The following DPP10 variants were observed in gnomAD, a reference collection of about 807,000 sequenced individuals.
The protein encoded by DPP10 is dipeptidyl peptidase like 10, also known as inactive dipeptidyl peptidase 10.
DPP10 carries 33 observed loss-of-function variants against 120.9 expected under a neutral mutation model. The ratio of observed to expected loss-of-function variants is 0.27; its 90% CI spans 0.21 to 0.37. The LOEUF (loss-of-function observed/expected upper bound fraction) is 0.37. Ranked by LOEUF, DPP10 falls within the 10% of genes least tolerant of loss-of-function variation. The probability of loss-of-function intolerance (pLI) is 1.00; values close to 1 mark genes in which losing one functional copy is unlikely to be tolerated. For synonymous variants in DPP10, 337 were observed against 326.1 expected (o/e 1.03, Z -0.36); for missense variants, 816 against 942.8 (o/e 0.87, Z 1.76).
intron 1 of DPP10, among the ~76,000 whole-genome samples, chr2:115,047,505 A>T (rs1381741894): frequency 6.6e-6 from 1 of 151,980 alleles, no homozygotes; most frequent in African/African-American, 2.4e-5. Context: ...TTCCAATTAT[A>T]TTTTAACCGT....
chr2:115,154,661 T>C, intron 1 of DPP10, among the ~76,000 whole-genome samples: 1 of 151,846 alleles, frequency 6.6e-6, no homozygotes, highest in East Asian at 1.9e-4. Flanking sequence ...GAATAAAGAT[T>C]TTTTTTTCAA....
chr2:115,133,297 A>G (rs1344401968), intron 1 of DPP10, among the ~76,000 whole-genome samples: 1 of 150,512 alleles, frequency 6.6e-6, no homozygotes, highest in Non-Finnish European at 1.5e-5. Context: ...AACTCCGTCT[A>G]AAACAAAAAG....
In DPP10 at chr2:114,490,812, A is replaced by G. The variant is rs532922424; in HGVS notation, c.60+47974A>G. 8.5e-5 allele frequency among the ~76,000 whole-genome samples: 13 copies of G among 152,270 alleles called. No homozygotes were observed. In the South Asian group the frequency reaches 2.7e-3, roughly 32 times the overall value. On this transcript the variant is annotated intron_variant, in intron 1 of 25. Coordinates refer to ENST00000410059, the MANE Select transcript of DPP10 (RefSeq NM_020868.6). ...GGGGCGGGGGGTAATGTGAACTCAGAAAACTTGTGTGAGAAGGTGCTTAAA... is the reference window on the plus strand; with the variant it reads ...GGGGCGGGGGGTAATGTGAACTCAGGAAACTTGTGTGAGAAGGTGCTTAAA...
chr2:114,667,271 A>G (rs1323178055), intron 1 of DPP10, among the ~76,000 whole-genome samples: 1 of 152,230 alleles, frequency 6.6e-6, no homozygotes, highest in African/African-American at 2.4e-5. Context: ...ATTTCATTAT[A>G]TCATGCCTTA....
intron 3 of DPP10, among the ~76,000 whole-genome samples, chr2:115,479,186 A>G (rs2075279967): frequency 6.6e-6 from 1 of 152,180 alleles, no homozygotes; most frequent in African/African-American, 2.4e-5. Flanking sequence ...TGGATAAACA[A>G]AATGTGGGAT....
intron 1 of DPP10, among the ~76,000 whole-genome samples, chr2:114,775,395 T>G (rs1681636635): frequency 6.6e-6 from 1 of 152,158 alleles, no homozygotes; most frequent in Admixed American, 6.6e-5. Flanking sequence ...AAAGGGAGTT[T>G]GTGGTTAGTA....
chr2:115,494,097 C>T (rs1311900610), intron 3 of DPP10, among the ~76,000 whole-genome samples: 2 of 152,108 alleles, frequency 1.3e-5, no homozygotes, highest in East Asian at 3.9e-4. Flanking sequence ...TACAGGTGTG[C>T]ACCACCACGG....
At chr2:114,660,379 T>A (rs578078019) in intron 1 of DPP10, among the ~76,000 whole-genome samples, 2 of 152,218 alleles carry the variant, frequency 1.3e-5, no homozygotes, top group Non-Finnish European at 2.9e-5. Context: ...GGGAACCCTG[T>A]GTCTTACCAA....
At chr2:115,211,657 A>G (rs1486630729) in intron 1 of DPP10, among the ~76,000 whole-genome samples, 1 of 152,058 alleles carries the variant, frequency 6.6e-6, no homozygotes, top group African/African-American at 2.4e-5. Context: ...TGGCAGTAAG[A>G]TGCTAACGGT....
intron 1 of DPP10, among the ~76,000 whole-genome samples, chr2:114,660,456 G>A (rs1385883100): frequency 6.6e-6 from 1 of 152,254 alleles, no homozygotes; most frequent in East Asian, 1.9e-4. Context: ...AAGACCAGGT[G>A]CCCTGATTAG....
At chr2:114,875,325 A>G (rs1308210675) in intron 1 of DPP10, among the ~76,000 whole-genome samples, 2 of 152,176 alleles carry the variant, frequency 1.3e-5, no homozygotes, top group African/African-American at 2.4e-5. Flanking sequence ...CCTCATAGCC[A>G]TTTGGGACAG....
intron 5 of DPP10, among the ~76,000 whole-genome samples, chr2:115,652,714 A>G (rs2087909468): frequency 6.6e-6 from 1 of 151,848 alleles, no homozygotes; most frequent in Non-Finnish European, 1.5e-5. Context: ...TGGGCAGAGA[A>G]AGCGAATCAT....
chr2:114,881,332 A>C (rs554580096), intron 1 of DPP10, among the ~76,000 whole-genome samples: 1 of 152,192 alleles, frequency 6.6e-6, no homozygotes, highest in East Asian at 1.9e-4. Context: ...TCAGATGCCA[A>C]AAAATCATGG....
chr2:115,689,599 G>A lies in DPP10; in HGVS notation c.442-88G>A, dbSNP rs1425949129. 8 of 885,310 alleles carry A rather than the reference G, an allele frequency of 9.0e-6. No homozygotes were observed. In the Admixed American group the frequency reaches 2.4e-4, roughly 27 times the overall value. 54.8% of individuals were successfully genotyped at this position (885,310 alleles called of 1,614,324 possible). On this transcript the variant is annotated intron_variant, in intron 5 of 25. Transcript: ENST00000410059. ...TCATTTCTGCCTAACACCAATTCTTGGATTACCTGGATGTTACTAAGAATA... is the reference window on the plus strand; with the variant it reads ...TCATTTCTGCCTAACACCAATTCTTAGATTACCTGGATGTTACTAAGAATA...
intron 5 of DPP10, among the ~76,000 whole-genome samples, chr2:115,671,952 A>G (rs575655638): frequency 2.6e-5 from 4 of 152,164 alleles, no homozygotes; most frequent in Non-Finnish European, 5.9e-5. Flanking sequence ...GTAAAACAAT[A>G]TATTTTATTA....
chr2:114,807,739 C>T (rs931297865), intron 1 of DPP10, among the ~76,000 whole-genome samples: 4 of 152,154 alleles, frequency 2.6e-5, no homozygotes, highest in African/African-American at 9.7e-5. Flanking sequence ...CAAACCACTC[C>T]TAACTGGCAC....
chr2:115,357,811 A>C (rs2064500454), intron 3 of DPP10, among the ~76,000 whole-genome samples: 1 of 152,138 alleles, frequency 6.6e-6, no homozygotes, highest in South Asian at 2.1e-4. Flanking sequence ...AAAGTTTCCA[A>C]AACTCAATTT....
At chr2:115,072,965 G>T (rs113334493) in intron 1 of DPP10, among the ~76,000 whole-genome samples, 24,592 of 151,778 alleles carry the variant, frequency 0.16, 2,257 homozygotes, top group African/African-American at 0.27. Flanking sequence ...GCATTTTTAG[G>T]AGAGATGGGG....
At chr2:115,455,609 C>CA (rs1232330395) in intron 3 of DPP10, among the ~76,000 whole-genome samples, 1 of 151,938 alleles carries the variant, frequency 6.6e-6, no homozygotes, top group Non-Finnish European at 1.5e-5. Flanking sequence ...GTACTGGTAC[C>CA]AAAACAGATA....
Sources: gnomAD v4.1 joint callset for allele counts (sites outside exome capture counted in the v4.1 genomes callset) on GRCh38, gnomAD v4.1.1 for gene constraint, MANE v1.5 for transcripts, NCBI Gene and HGNC (gene_info 2026-07-23, HGNC 2026-07-21) for gene names.